SGMS1: variants seen among roughly 807,000 people sequenced by gnomAD.
SGMS1 encodes sphingomyelin synthase 1, also known as phosphatidylcholine:ceramide cholinephosphotransferase 1.
In SGMS1, 13 loss-of-function variants were observed where a neutral mutation model predicts 46.2. The observed-to-expected ratio is 0.28, with a 90% CI of 0.18 to 0.45. SGMS1 has a LOEUF of 0.45. Among genes scored for constraint, SGMS1 ranks in the 20% least tolerant of loss-of-function variants. The pLI, the probability that SGMS1 is intolerant of heterozygous loss-of-function variation, is 1.00. For synonymous variants in SGMS1, 203 were observed against 187.8 expected (o/e 1.08, Z -0.66); for missense variants, 324 against 519.9 (o/e 0.62, Z 3.66).
chr10:50,514,448 T>A (rs1304157385), intron 3 of SGMS1, among the ~76,000 whole-genome samples: 1 of 152,168 alleles, frequency 6.6e-6, no homozygotes, highest in East Asian at 1.9e-4. Context: ...AACCCAGCAG[T>A]GCTAAAAGTC....
chr10:50,341,797 A>T (rs903832639), intron 7 of SGMS1, among the ~76,000 whole-genome samples: 1 of 152,212 alleles, frequency 6.6e-6, no homozygotes, highest in Non-Finnish European at 1.5e-5. Context: ...AAAACGCAAA[A>T]TCATAAAGCT....
At chr10:50,427,348 G>A (rs555476226) in intron 6 of SGMS1, among the ~76,000 whole-genome samples, 135 of 152,296 alleles carry the variant, frequency 8.9e-4, no homozygotes, top group African/African-American at 2.2e-3. Flanking sequence ...GCAGTGAGCC[G>A]AGATGGCGCC....
intron 6 of SGMS1, among the ~76,000 whole-genome samples, chr10:50,352,229 C>T (rs999225965): frequency 1.3e-5 from 2 of 152,072 alleles, no homozygotes; most frequent in East Asian, 1.9e-4. Flanking sequence ...AAAAAGTGGA[C>T]CCCCAAGACC....
chr10:50,406,575 T>C (rs1849018286), intron 6 of SGMS1, among the ~76,000 whole-genome samples: 1 of 152,210 alleles, frequency 6.6e-6, no homozygotes, highest in Non-Finnish European at 1.5e-5. Context: ...AGTTGGTCTC[T>C]TCCTTGGATC....
chr10:50,453,237 G>A (rs902868605), intron 5 of SGMS1, among the ~76,000 whole-genome samples: 2 of 151,854 alleles, frequency 1.3e-5, no homozygotes, highest in Admixed American at 1.3e-4. Context: ...AAATTTAAAA[G>A]GGAGTAAAAT....
intron 2 of SGMS1, among the ~76,000 whole-genome samples, chr10:50,532,656 T>A (rs1037106254): frequency 1.3e-5 from 2 of 152,230 alleles, no homozygotes; most frequent in Non-Finnish European, 2.9e-5. Flanking sequence ...TTGCATCAAG[T>A]CAAATTATTT....
intron 4 of SGMS1, among the ~76,000 whole-genome samples, 159 bp from the exon 5 acceptor site, chr10:50,460,973 ACCT>A (rs1358301856): frequency 1.3e-5 from 2 of 151,556 alleles, no homozygotes; most frequent in Non-Finnish European, 2.9e-5. Flanking sequence ...AACCTTCCTT[ACCT>A]CCTCCCATTT....
intron 3 of SGMS1, among the ~76,000 whole-genome samples, chr10:50,513,540 CT>C (rs1837775509): frequency 6.6e-6 from 1 of 152,166 alleles, no homozygotes; most frequent in Non-Finnish European, 1.5e-5. Context: ...ACAAAGACTT[CT>C]TCTAATCCAG....
chr10:50,336,628 C>G (rs534348767), intron 7 of SGMS1, among the ~76,000 whole-genome samples: 1 of 152,054 alleles, frequency 6.6e-6, no homozygotes, highest in Non-Finnish European at 1.5e-5. Flanking sequence ...GTCCTATGCA[C>G]GTGGCATCTA....
At chr10:50,322,041 G>C (rs952706009) in intron 8 of SGMS1, among the ~76,000 whole-genome samples, 3 of 152,176 alleles carry the variant, frequency 2.0e-5, no homozygotes, top group Admixed American at 6.5e-5. Flanking sequence ...TTGATCCACT[G>C]AGCGATCAAC....
chr10:50,378,789 A>T (rs1250535948), intron 6 of SGMS1, among the ~76,000 whole-genome samples: 2 of 152,194 alleles, frequency 1.3e-5, no homozygotes, highest in Non-Finnish European at 2.9e-5. Flanking sequence ...CTTAGTACCT[A>T]CCTGATGTTT....
intron 3 of SGMS1, among the ~76,000 whole-genome samples, chr10:50,470,066 G>T (rs890984180): frequency 1.3e-5 from 2 of 152,146 alleles, no homozygotes; most frequent in Non-Finnish European, 2.9e-5. Context: ...GCCATTGTCT[G>T]CTATGGACAC....
At chr10:50,551,883 T>TA (rs1838151885) in intron 2 of SGMS1, among the ~76,000 whole-genome samples, 1 of 152,130 alleles carries the variant, frequency 6.6e-6, no homozygotes. Context: ...AATCTGAAGA[T>TA]ACCACCTCCC....
intron 3 of SGMS1, among the ~76,000 whole-genome samples, chr10:50,487,097 A>C (rs1215622590): frequency 1.3e-5 from 2 of 152,240 alleles, no homozygotes; most frequent in African/African-American, 4.8e-5. Context: ...TATAATTGGG[A>C]GCTAAATGAT....
intron 6 of SGMS1, among the ~76,000 whole-genome samples, chr10:50,366,498 A>G (rs1848347558): frequency 6.6e-6 from 1 of 152,230 alleles, no homozygotes. Flanking sequence ...AGACACATGC[A>G]CACGTATGTT....
At chr10:50,598,620 A>G (rs948198781) in intron 1 of SGMS1, among the ~76,000 whole-genome samples, 1 of 152,210 alleles carries the variant, frequency 6.6e-6, no homozygotes. Context: ...GGGAACAATC[A>G]TGGGACAGGA....
chr10:50,454,394 G>T (rs544848553), intron 5 of SGMS1, among the ~76,000 whole-genome samples: 14 of 152,266 alleles, frequency 9.2e-5, no homozygotes, highest in African/African-American at 3.4e-4. Context: ...AGACTAGCCT[G>T]TGGTAAAAAG....
At chr10:50,509,821 T>C (rs920197104) in intron 3 of SGMS1, among the ~76,000 whole-genome samples, 28 of 152,220 alleles carry the variant, frequency 1.8e-4, no homozygotes, top group African/African-American at 6.5e-4. Context: ...GCTAACAAAA[T>C]GATCCTTTGA....
chr10:50,619,042 A>G (rs925402485), intron 1 of SGMS1, among the ~76,000 whole-genome samples: 3 of 152,166 alleles, frequency 2.0e-5, no homozygotes, highest in Non-Finnish European at 4.4e-5. Flanking sequence ...CTGAGGTAGG[A>G]GAGTCTCTTG....
Sources: gnomAD v4.1 joint callset for allele counts (sites outside exome capture counted in the v4.1 genomes callset) on GRCh38, gnomAD v4.1.1 for gene constraint, MANE v1.5 for transcripts, NCBI Gene and HGNC (gene_info 2026-07-23, HGNC 2026-07-21) for gene names.